CHN2: variants seen among roughly 807,000 people sequenced by gnomAD.
CHN2 encodes beta-chimaerin.
A neutral mutation model predicts 56.3 loss-of-function variants in CHN2; 35 were observed. The ratio of observed to expected loss-of-function variants is 0.62; its 90% CI spans 0.47 to 0.82. The LOEUF (loss-of-function observed/expected upper bound fraction) is 0.82, where lower values mean the gene tolerates loss of function less well. Ranked by LOEUF, CHN2 falls within the 40% of genes least tolerant of loss-of-function variation. The pLI, the probability that CHN2 is intolerant of heterozygous loss-of-function variation, is 0.00. For missense variants in CHN2, 491 were observed against 580.5 expected (o/e 0.85, Z 1.58); for synonymous variants, 210 against 212.8 (o/e 0.99, Z 0.12).
At chr7:29,495,857 G>A in intron 7 of CHN2, 95 bp from the exon 8 acceptor site, 1 of 947,466 alleles carries the variant, frequency 1.1e-6, no homozygotes, top group Non-Finnish European at 1.7e-6. Flanking sequence ...GCCCAGTGGG[G>A]GATCGCTCCT....
intron 1 of CHN2, among the ~76,000 whole-genome samples, chr7:29,320,572 AT>A (rs1469624575): frequency 2.0e-5 from 3 of 152,212 alleles, no homozygotes; most frequent in Non-Finnish European, 4.4e-5. Context: ...AATTTCTAGG[AT>A]ATGGCATCAT....
intron 3 of CHN2, among the ~76,000 whole-genome samples, 187 bp downstream of exon 3, chr7:29,368,174 A>T (rs1799322111): frequency 6.6e-6 from 1 of 152,144 alleles, no homozygotes; most frequent in African/African-American, 2.4e-5. Context: ...ATACTAACAA[A>T]CCAACTTGGA....
At chr7:29,419,562 AAAATATTGC>A (rs1804123402) in intron 6 of CHN2, among the ~76,000 whole-genome samples, 1 of 152,226 alleles carries the variant, frequency 6.6e-6, no homozygotes, top group Non-Finnish European at 1.5e-5. Context: ...GGAATGGGAC[AAAATATTGC>A]AAATCATATA....
chr7:29,298,080 G>A (rs1372526794), intron 1 of CHN2, among the ~76,000 whole-genome samples: 1 of 152,154 alleles, frequency 6.6e-6, no homozygotes, highest in Non-Finnish European at 1.5e-5. Flanking sequence ...GGGTGCCAAA[G>A]CGGCTTTCAC....
intron 2 of CHN2, among the ~76,000 whole-genome samples, chr7:29,152,092 G>C (rs1793674572): frequency 6.6e-6 from 1 of 152,098 alleles, no homozygotes; most frequent in African/African-American, 2.4e-5. Flanking sequence ...ATCCAAAGTG[G>C]GTTATCTAGA....
chr7:29,498,326 C>G lies in CHN2; in HGVS notation c.740-1541C>G, dbSNP rs111242149. On this transcript the variant is annotated intron_variant, in intron 8 of 12. Transcript: ENST00000222792. The stretch of plus-strand genomic sequence containing the variant: ...ATAGAAGAGGATTCAACAGGAAACC[C>G]AGCCAACTCTATTTAGCGCAGTTAG... 2.2e-3 allele frequency among the ~76,000 whole-genome samples: 341 copies of G among 152,310 alleles called. 5 individuals are homozygous for G. The highest frequency in any genetic ancestry group is 7.6e-3 in the African/African-American group (317 of 41,568).
intron 1 of CHN2, among the ~76,000 whole-genome samples, chr7:29,237,745 T>G (rs560274573): frequency 6.6e-6 from 1 of 151,988 alleles, no homozygotes; most frequent in Non-Finnish European, 1.5e-5. Flanking sequence ...AAACAGAAGT[T>G]CCAAAGCCAG....
At chr7:29,206,809 A>G (rs1482075331) in intron 1 of CHN2, among the ~76,000 whole-genome samples, 2 of 152,176 alleles carry the variant, frequency 1.3e-5, no homozygotes, top group African/African-American at 4.8e-5. Flanking sequence ...TACACCAGGG[A>G]TGAGCCTGGA....
chr7:29,478,001 G>C (rs1585537982), intron 6 of CHN2, among the ~76,000 whole-genome samples: 1 of 152,184 alleles, frequency 6.6e-6, no homozygotes, highest in Admixed American at 6.5e-5. Context: ...TTCTCAGTGT[G>C]GCAGGGATAA....
At chr7:29,360,167 T>G (rs950622345) in intron 2 of CHN2, among the ~76,000 whole-genome samples, 4 of 152,192 alleles carry the variant, frequency 2.6e-5, no homozygotes, top group African/African-American at 9.6e-5. Context: ...TGGGCAACTG[T>G]CATCTCCTCC....
At chr7:29,466,116 C>T (rs1785527533) in intron 6 of CHN2, among the ~76,000 whole-genome samples, 1 of 152,074 alleles carries the variant, frequency 6.6e-6, no homozygotes, top group Non-Finnish European at 1.5e-5. Flanking sequence ...GCACAAGAAT[C>T]GCTTGAACCC....
intron 6 of CHN2, among the ~76,000 whole-genome samples, chr7:29,440,421 T>C (rs936794564): frequency 1.3e-5 from 2 of 152,136 alleles, no homozygotes; most frequent in African/African-American, 4.8e-5. Context: ...CTGGGCGTGG[T>C]AGCTCACAGC....
Position 29,437,137 on chromosome 7 carries a change from T to G in CHN2, c.576+36309T>G, listed in dbSNP as rs562784010. Among the ~76,000 whole-genome samples the G allele has an allele frequency of 6.6e-5, 10 of 152,260 alleles. No homozygotes were observed. The East Asian group carries it at 1.4e-3, about 21-fold the overall frequency. On this transcript the variant is annotated intron_variant, in intron 6 of 12. Transcript: ENST00000222792. The stretch of plus-strand genomic sequence containing the variant: ...TTGTTGTATCTTTAAATTTTAAATT[T>G]TTCAGTATTTTATTGCCATATTCTT...
intron 1 of CHN2, among the ~76,000 whole-genome samples, chr7:29,257,873 G>A (rs903761248): frequency 1.1e-4 from 16 of 151,818 alleles, no homozygotes; most frequent in Admixed American, 3.9e-4. Context: ...CTGCAGCTTC[G>A]ACCTCTTGGG....
intron 7 of CHN2, among the ~76,000 whole-genome samples, chr7:29,490,540 C>T (rs962656274): frequency 7.9e-5 from 12 of 152,080 alleles, no homozygotes; most frequent in African/African-American, 2.9e-4. Context: ...AGGCAATCAG[C>T]ATGTAAATAT....
intron 3 of CHN2, among the ~76,000 whole-genome samples, chr7:29,374,266 G>C (rs1799850373): frequency 6.6e-6 from 1 of 151,958 alleles, no homozygotes; most frequent in South Asian, 2.1e-4. Context: ...GTTTTCTTCT[G>C]AACTGGACTT....
rs1270358914 is a variant in CHN2, at chr7:29,513,830, A to G, written c.*1095A>G. On this transcript the variant is annotated 3_prime_UTR_variant, in exon 13 of 13. Coordinates refer to ENST00000222792, the MANE Select transcript of CHN2 (RefSeq NM_004067.4). Reference sequence around the variant, plus strand: ...TGACAAAAGTAGCTCTGTGTGGATAATATGATTTTATTACTACAGTTCCAG... The same window carrying G: ...TGACAAAAGTAGCTCTGTGTGGATAGTATGATTTTATTACTACAGTTCCAG... The G allele has an allele frequency of 6.6e-6, 1 of 152,648 alleles. No individual in the cohort carries two copies. The highest frequency in any genetic ancestry group is 1.5e-5 in the Non-Finnish European group (1 of 68,046). 9.5% of individuals were successfully genotyped at this position (152,648 alleles called of 1,614,324 possible). A position where few individuals can be genotyped will look rare whatever the true frequency, so the allele number is the denominator to read the frequency against.
intron 11 of CHN2, among the ~76,000 whole-genome samples, chr7:29,508,265 T>G (rs1583446688): frequency 3.4e-5 from 5 of 145,140 alleles, no homozygotes; most frequent in African/African-American, 5.1e-5. Context: ...AGGAATAGAG[T>G]GAAAAGGGGG....
At chr7:29,309,878 C>A (rs1330728032) in intron 1 of CHN2, among the ~76,000 whole-genome samples, 1 of 152,140 alleles carries the variant, frequency 6.6e-6, no homozygotes, top group Admixed American at 6.5e-5. Context: ...GTGGCTGTTA[C>A]ATGGATCCAG....
Sources: gnomAD v4.1 joint callset for allele counts (sites outside exome capture counted in the v4.1 genomes callset) on GRCh38, gnomAD v4.1.1 for gene constraint, MANE v1.5 for transcripts, NCBI Gene and HGNC (gene_info 2026-07-23, HGNC 2026-07-21) for gene names.